Variants in AARS1 observed in about 807,000 individuals in gnomAD.
The protein encoded by AARS1 is alanine--tRNA ligase, cytoplasmic.
AARS1 carries 72 observed loss-of-function variants against 108.9 expected under a neutral mutation model. The ratio of observed to expected loss-of-function variants is 0.66; its 90% CI spans 0.55 to 0.80. AARS1 has a LOEUF of 0.80. Ranked by LOEUF, AARS1 falls within the 30% of genes least tolerant of loss-of-function variation. The pLI is 0.00. For synonymous variants in AARS1, 489 were observed against 465.7 expected, an observed-to-expected ratio of 1.05 and a Z score of -0.64; for missense variants, 1,193 against 1,233.2, an observed-to-expected ratio of 0.97 and a Z score of 0.49.
Position 70,289,473 on chromosome 16 carries a change from C to A in AARS1, c.-74G>T. 2.3e-6 allele frequency: 1 copy of A among 431,304 alleles called. No homozygotes were observed. The allele number at this position is 431,304 out of a possible 1,614,324, so 26.7% of individuals were successfully genotyped here. ...CTCCCTCAGAGTCCCCCGCCAAGGG[C>A]CCGCTGCACCTATTCCCGCAGACGC... On this transcript the variant is annotated 5_prime_UTR_variant, in exon 1 of 21. Coordinates refer to ENST00000261772, the MANE Select transcript of AARS1 (RefSeq NM_001605.3).
intron 2 of AARS1, 87 bp downstream of exon 2, chr16:70,282,533 T>A: frequency 6.6e-7 from 1 of 1,521,150 alleles, no homozygotes; most frequent in Non-Finnish European, 9.1e-7. Flanking sequence ...AGAACCAGAA[T>A]CGGTCTGACC....
chr16:70,259,308 A>G, intron 13 of AARS1, 122 bp from the exon 14 acceptor site: 11 of 1,056,756 alleles, frequency 1.0e-5, no homozygotes, highest in Non-Finnish European at 1.6e-5. Flanking sequence ...AATAAAGGTT[A>G]CATTTCCCAG....
rs1161734697 is a variant in AARS1 at position 70,254,626 on chromosome 16, C to T, written c.2395G>A (p.Gly799Arg). The T allele has an allele frequency of 2.5e-6, 4 of 1,613,244 alleles. No homozygotes were observed. The highest frequency in any genetic ancestry group is 2.5e-6 in the Non-Finnish European group (3 of 1,179,332). The part of the protein sequence containing the change: ...KDVQREIADL[G>R]EALATAVIPQ... ...GGGAGGGAAGCCGCCCCTACCTCTCCAAGGTCAGCGATCTCCCTCTGCACA... is the reference window on the plus strand; with the variant it reads ...GGGAGGGAAGCCGCCCCTACCTCTCTAAGGTCAGCGATCTCCCTCTGCACA... Residue 799 changes from glycine (G) to arginine (R), a missense_variant, in exon 17 of 21, where the codon GGA becomes AGA. Transcript: ENST00000261772.
intron 20 of AARS1, 139 bp from the exon 21 acceptor site, chr16:70,253,045 C>T: frequency 9.3e-7 from 1 of 1,080,304 alleles, no homozygotes; most frequent in South Asian, 1.3e-5. Flanking sequence ...GACTTTACGG[C>T]TGGTACAGGG....
At chr16:70,272,823 T>C (rs1960441235) in intron 4 of AARS1, among the ~76,000 whole-genome samples, 1 of 149,770 alleles carries the variant, frequency 6.7e-6, no homozygotes, top group African/African-American at 2.5e-5. Context: ...CGGGAGAGGA[T>C]CACTTGAGCC....
intron 9 of AARS1, 88 bp downstream of exon 9, chr16:70,267,571 G>C: frequency 6.6e-7 from 1 of 1,513,150 alleles, no homozygotes; most frequent in Non-Finnish European, 9.1e-7. Flanking sequence ...AGAGACATGA[G>C]AGCCCACAGT....
chr16:70,262,137 T>C (rs760700794), intron 12 of AARS1, among the ~76,000 whole-genome samples: 7 of 152,166 alleles, frequency 4.6e-5, no homozygotes, highest in Admixed American at 2.0e-4. Flanking sequence ...ACTTGTACCC[T>C]GGCTGCAAAA....
intron 2 of AARS1, among the ~76,000 whole-genome samples, chr16:70,279,028 C>T (rs1416234865): frequency 6.6e-6 from 1 of 152,106 alleles, no homozygotes; most frequent in African/African-American, 2.4e-5. Flanking sequence ...GTAAGTGCTG[C>T]ATGCAGGCTG....
At chr16:70,287,573 G>A (rs559350117) in intron 1 of AARS1, among the ~76,000 whole-genome samples, 76 of 151,080 alleles carry the variant, frequency 5.0e-4, no homozygotes, top group African/African-American at 1.6e-3. Flanking sequence ...CCTGAGCCTG[G>A]GAGGTCAATT....
rs1218094617 is a variant in AARS1 at position 70,252,751 on chromosome 16, G to A, written c.2877C>T (p.Ala959=). 2 of 1,614,162 alleles carry A rather than the reference G, an allele frequency of 1.2e-6. No individual in the cohort carries two copies. The highest frequency in any genetic ancestry group is 1.7e-6 in the Non-Finnish European group (2 of 1,180,030). ...TCTTTACATCCCCGAGGCGCAGCTG[G>A]GCGAAGGAAGTGGCCAGCTGCAGCG... ...QEALQLATSF[A]QLRLGDVKN The change falls in exon 21 of 21, where the codon GCC becomes GCT. Residue 959 remains alanine (A), a synonymous_variant. Transcript: ENST00000261772.
intron 10 of AARS1, 37 bp from the exon 11 acceptor site, chr16:70,265,139 G>C: frequency 6.2e-7 from 1 of 1,612,926 alleles, no homozygotes; most frequent in Non-Finnish European, 8.5e-7. Flanking sequence ...TTACCGTAAA[G>C]TAGGAGAAAA....
chr16:70,269,862 A>T (rs1465914739), intron 6 of AARS1, 99 bp from the exon 7 acceptor site: 2 of 1,496,674 alleles, frequency 1.3e-6, no homozygotes, highest in Non-Finnish European at 1.8e-6. Flanking sequence ...ATTAGCAGAA[A>T]GGATGCCGGT....
rs186760295 is a variant in AARS1 at position 70,253,607 on chromosome 16, G to A, written c.2607+107C>T. 5.2e-4 allele frequency: 688 copies of A among 1,322,258 alleles called. 2 individuals are homozygous for A. The highest frequency in any genetic ancestry group is 6.4e-4 in the Non-Finnish European group (598 of 931,056). 81.9% of individuals were successfully genotyped at this position (1,322,258 alleles called of 1,614,324 possible). A position where few individuals can be genotyped will look rare whatever the true frequency, so the allele number is the denominator to read the frequency against. On this transcript the variant is annotated intron_variant, in intron 19 of 20. Coordinates refer to ENST00000261772, the MANE Select transcript of AARS1 (RefSeq NM_001605.3). The stretch of plus-strand genomic sequence containing the variant: ...GCTGCTCCTCCCAATCTCAATCCCA[G>A]ACCGTGGGCCCTTAGGCAACCACTT...
intron 16 of AARS1, 46 bp from the exon 17 acceptor site, chr16:70,254,780 G>A (rs764856243): frequency 3.8e-6 from 5 of 1,304,734 alleles, no homozygotes; most frequent in East Asian, 2.3e-5. Flanking sequence ...GTCTGAGTCA[G>A]ACTCACTATC....
At chr16:70,274,497 G>A (rs1011166147) in intron 4 of AARS1, among the ~76,000 whole-genome samples, 13 of 151,966 alleles carry the variant, frequency 8.6e-5, no homozygotes, top group Admixed American at 2.6e-4. Flanking sequence ...AGGCCGAGGC[G>A]TGTGGATCAC....
chr16:70,277,400 A>G (rs778058898), intron 2 of AARS1, among the ~76,000 whole-genome samples: 15 of 152,168 alleles, frequency 9.9e-5, no homozygotes, highest in Non-Finnish European at 1.9e-4. Flanking sequence ...CCACCTGCAG[A>G]GGGGAAAGGC....
At chr16:70,267,859 C>G (rs1032802129) in intron 8 of AARS1, 50 bp from the exon 9 acceptor site, 3 of 1,613,016 alleles carry the variant, frequency 1.9e-6, no homozygotes, top group African/African-American at 2.7e-5. Context: ...AGAGACTGTT[C>G]CCTGCCCCGT....
chr16:70,274,341 CA>C (rs1280743285), intron 4 of AARS1, among the ~76,000 whole-genome samples: 1 of 147,818 alleles, frequency 6.8e-6, no homozygotes, highest in Admixed American at 6.7e-5. Flanking sequence ...AACTCCATCT[CA>C]AAAAAAGAAA....
chr16:70,267,529 A>T, intron 9 of AARS1, 130 bp downstream of exon 9: 1 of 1,192,264 alleles, frequency 8.4e-7, no homozygotes, highest in Non-Finnish European at 1.2e-6. Context: ...AGTTTGCACC[A>T]AAAGCAATTC....
Sources: allele counts gnomAD v4.1 joint callset (sites outside exome capture counted in the v4.1 genomes callset), GRCh38; gene constraint gnomAD v4.1.1; transcripts MANE v1.5; gene names NCBI Gene and HGNC (gene_info 2026-07-23, HGNC 2026-07-21).